The following CA5B variants were observed in gnomAD, a reference collection of about 807,000 sequenced individuals.
CA5B encodes the protein carbonic anhydrase 5B.
A neutral mutation model predicts 23.1 loss-of-function variants in CA5B; 15 were observed. The ratio of observed to expected loss-of-function variants is 0.65; its 90% CI spans 0.43 to 1.00. The LOEUF (loss-of-function observed/expected upper bound fraction) is 1.00. Among genes scored for constraint, CA5B ranks in the 50% least tolerant of loss-of-function variants. The pLI, the probability that CA5B is intolerant of heterozygous loss-of-function variation, is 0.00. For missense variants in CA5B, 236 were observed against 252.2 expected (o/e 0.94, Z 0.43); for synonymous variants, 84 against 98.5 (o/e 0.85, Z 0.87).
intron 6 of CA5B, chrX:15,775,737 A>G (rs781056782): frequency 4.9e-5 from 37 of 752,062 alleles, no homozygotes; most frequent in Middle Eastern, 7.4e-4. Context: ...CAGTCCCCCA[A>G]TATTAATTCT....
intron 7 of CA5B, among the ~76,000 whole-genome samples, chrX:15,779,444 A>G (rs1252589277): frequency 1.8e-5 from 2 of 112,270 alleles, no homozygotes; most frequent in Non-Finnish European, 3.8e-5. Flanking sequence ...TGTGCATCCC[A>G]TGACCCAATC....
intron 1 of CA5B, among the ~76,000 whole-genome samples, chrX:15,747,463 G>A (rs1183785234): frequency 9.1e-6 from 1 of 109,510 alleles, no homozygotes; most frequent in African/African-American, 3.3e-5. Flanking sequence ...GGGATAAGTT[G>A]ATAGGATGTC....
intron 1 of CA5B, among the ~76,000 whole-genome samples, chrX:15,748,707 A>ACC (rs1931288325): frequency 4.2e-5 from 2 of 47,082 alleles, no homozygotes; most frequent in African/African-American, 1.5e-4. Context: ...ATATAGTGAG[A>ACC]ACCCCCCCCC....
Position 15,776,140 on chromosome X carries a change from T to C in CA5B, c.619-574T>C, listed in dbSNP as rs770468721. 54 of 339,415 alleles carry C rather than the reference T, an allele frequency of 1.6e-4. No individual in the cohort carries two copies. The East Asian group carries it at 5.2e-3, about 33-fold the overall frequency. The allele number at this position is 339,415 out of a possible 1,213,427, so 28.0% of individuals were successfully genotyped here. ...GATCACGAGGTCAGGAGATCGAGAC[T>C]GTCCTGGCTAACACAGTGAAACCCC... On this transcript the variant is annotated intron_variant, in intron 6 of 7. Coordinates refer to ENST00000318636, the MANE Select transcript of CA5B (RefSeq NM_007220.4).
In CA5B at chrX:15,772,055, C is replaced by T. The variant is rs886786120; in HGVS notation, c.341-441C>T. On this transcript the variant is annotated intron_variant, in intron 3 of 7. Transcript: ENST00000318636. The stretch of plus-strand genomic sequence containing the variant: ...TTTTTGACTTGCAAATGTCCTATTC[C>T]ATTTCAATGAAAGGGAAAGCAACAC... Among the ~76,000 whole-genome samples the T allele has an allele frequency of 8.9e-5, 10 of 111,954 alleles. No individual in the cohort carries two copies. In the Admixed American group the frequency reaches 9.5e-4, roughly 11 times the overall value.
intron 3 of CA5B, chrX:15,765,009 A>G (rs1022252538): frequency 7.4e-6 from 3 of 407,463 alleles, no homozygotes; most frequent in Middle Eastern, 7.7e-4. Context: ...CTATCTCTCT[A>G]TGTATAGATT....
chrX:15,766,886 C>A (rs1228915044), intron 3 of CA5B: 1 of 325,993 alleles, frequency 3.1e-6, no homozygotes, highest in East Asian at 9.9e-5. Flanking sequence ...CATCATGCAT[C>A]TTTCTTAATT....
chrX:15,749,478 T>G (rs1186219518), intron 1 of CA5B, among the ~76,000 whole-genome samples: 1 of 112,137 alleles, frequency 8.9e-6, no homozygotes, highest in African/African-American at 3.2e-5. Flanking sequence ...AGGATGTATC[T>G]TGGGTTTTTT....
intron 1 of CA5B, among the ~76,000 whole-genome samples, chrX:15,745,149 A>G (rs1469613902): frequency 2.1e-5 from 2 of 93,718 alleles, no homozygotes; most frequent in Non-Finnish European, 4.2e-5. Flanking sequence ...AGCCTGGGTG[A>G]CAGAGCGTGA....
intron 2 of CA5B, among the ~76,000 whole-genome samples, chrX:15,757,927 G>A (rs768331001): frequency 9.9e-5 from 11 of 110,976 alleles, no homozygotes; most frequent in South Asian, 3.8e-4. Flanking sequence ...TGTTTTTAGC[G>A]TAGGAGCAAT....
chrX:15,754,276 T>C (rs1209323298), intron 2 of CA5B, among the ~76,000 whole-genome samples: 2 of 112,791 alleles, frequency 1.8e-5, no homozygotes, highest in East Asian at 5.5e-4. Context: ...TGTCACGCAG[T>C]GAGGACTCAG....
rs748356731 is a variant in CA5B at position 15,788,024 on chromosome X, A to C, written c.*5360A>C. 8.9e-6 allele frequency: 1 copy of C among 112,535 alleles called. No homozygotes were observed. Among genetic ancestry groups the C allele is most frequent in the East Asian group, 2.8e-4 (1 of 3,605 alleles). 9.3% of individuals were successfully genotyped at this position (112,535 alleles called of 1,213,427 possible). On this transcript the variant is annotated 3_prime_UTR_variant, in exon 8 of 8. Transcript: ENST00000318636. ...AGAACGGGCAGCAATTCTCAGCGTA[A>C]ATTCTGATCACAGGGACCAGCAAAA...
At chrX:15,762,587 G>A (rs1013490672) in intron 2 of CA5B, among the ~76,000 whole-genome samples, 2 of 109,781 alleles carry the variant, frequency 1.8e-5, no homozygotes, top group Non-Finnish European at 3.8e-5. Context: ...GACTACAGGC[G>A]TGTGCCACCA....
At position 15,772,484 on chromosome X, in the gene CA5B, G is replaced by A. The variant is rs747451797; in HGVS notation, c.341-12G>A. ...ATAACTCTTCCCTGAATTGTTGGAT[G>A]TGCCATTTTAGTGATCAAGGGAGGA... is the stretch of plus-strand genomic sequence containing the variant. On this transcript the variant is annotated splice_polypyrimidine_tract_variant and intron_variant, in intron 3 of 7. Coordinates refer to ENST00000318636, the MANE Select transcript of CA5B (RefSeq NM_007220.4). The A allele has an allele frequency of 3.1e-5, 35 of 1,118,494 alleles. No individual in the cohort carries two copies. Among genetic ancestry groups the A allele is most frequent in the Non-Finnish European group, 4.3e-5 (35 of 814,380 alleles). The allele number at this position is 1,118,494 out of a possible 1,213,427, so 92.2% of individuals were successfully genotyped here. A position where few individuals can be genotyped will look rare whatever the true frequency, so the allele number is the denominator to read the frequency against.
intron 6 of CA5B, chrX:15,776,027 CAGTT>C (rs1011166099): frequency 9.6e-5 from 72 of 751,366 alleles, no homozygotes; most frequent in Middle Eastern, 7.5e-4. Flanking sequence ...GGACAATTCT[CAGTT>C]AGCCTCTCGA....
intron 1 of CA5B, among the ~76,000 whole-genome samples, chrX:15,747,555 C>A (rs913798348): frequency 9.0e-6 from 1 of 110,571 alleles, no homozygotes; most frequent in Non-Finnish European, 1.9e-5. Flanking sequence ...CTTGATTGGC[C>A]ATGAACAGAC....
At chrX:15,738,715 T>G (rs1417416758) in intron 1 of CA5B, among the ~76,000 whole-genome samples, 1 of 111,259 alleles carries the variant, frequency 9.0e-6, no homozygotes, top group East Asian at 2.8e-4. Context: ...TGAATCCAAA[T>G]AACTCCAGAA....
Position 15,750,142 on chromosome X carries a change from C to A in CA5B, c.119C>A (p.Thr40Asn). ...PARPCSLYTC[T>N]YKTRNRALHP... Reference sequence around the variant, plus strand: ...AGGCCCTGCAGCCTCTATACTTGTACTTACAAAACCCGGAACCGAGCCTGT... The same window carrying A: ...AGGCCCTGCAGCCTCTATACTTGTAATTACAAAACCCGGAACCGAGCCTGT... The change falls in exon 2 of 8, where the codon ACT becomes AAT. Residue 40 changes from threonine to asparagine, a missense_variant. Coordinates refer to ENST00000318636, the MANE Select transcript of CA5B (RefSeq NM_007220.4). 8.3e-7 allele frequency: 1 copy of A among 1,210,353 alleles called. No homozygotes were observed.
rs761736730 is a variant in CA5B at position 15,775,363 on chromosome X, A to T, written c.618+55A>T. The T allele has an allele frequency of 2.6e-6, 3 of 1,143,678 alleles. No homozygotes were observed. In the African/African-American group the frequency reaches 5.4e-5, roughly 21 times the overall value. 94.3% of individuals were successfully genotyped at this position (1,143,678 alleles called of 1,213,427 possible). ...ATATACTTTTATGTTTCAATCTCAGAGCGGAGACATTACCAAGGCACTTTG... is the reference window on the plus strand; with the variant it reads ...ATATACTTTTATGTTTCAATCTCAGTGCGGAGACATTACCAAGGCACTTTG... On this transcript the variant is annotated intron_variant, in intron 6 of 7. Transcript: ENST00000318636.
Sources: allele counts gnomAD v4.1 joint callset (sites outside exome capture counted in the v4.1 genomes callset), GRCh38; gene constraint gnomAD v4.1.1; transcripts MANE v1.5; gene names NCBI Gene and HGNC (gene_info 2026-07-23, HGNC 2026-07-21).